The following AGAP1 variants were observed in gnomAD, a reference collection of about 807,000 sequenced individuals.
AGAP1 encodes the protein ArfGAP with GTPase domain, ankyrin repeat and PH domain 1.
A neutral mutation model predicts 105.3 loss-of-function variants in AGAP1; 29 were observed. That is an observed-to-expected ratio of 0.28 (90% CI 0.21 to 0.38). The LOEUF is 0.38. Among genes scored for constraint, AGAP1 ranks in the 10% least tolerant of loss-of-function variants. The probability of loss-of-function intolerance (pLI) is 1.00; values close to 1 mark genes in which losing one functional copy is unlikely to be tolerated. For missense variants in AGAP1, 998 were observed against 1,165.1 expected, an observed-to-expected ratio of 0.86 and a Z score of 2.09; for synonymous variants, 509 against 485.9, an observed-to-expected ratio of 1.05 and a Z score of -0.63.
At position 236,089,845 on chromosome 2, in the gene AGAP1, A is replaced by G. The variant is rs543006281; in HGVS notation, c.2115-30347A>G. ...TGTAACGCCCTATAAATTTATTAGC[A>G]TGCCTCATTTCTCATTGGTGGACTT... On this transcript the variant is annotated intron_variant, in intron 16 of 17. Coordinates refer to ENST00000304032, the MANE Select transcript of AGAP1 (RefSeq NM_001037131.3). The surrounding 1 kb of genome is among the most constrained non-coding windows in gnomAD (Gnocchi z 5.6). 1.1e-4 allele frequency among the ~76,000 whole-genome samples: 16 copies of G among 152,242 alleles called. No homozygotes were observed. The highest frequency in any genetic ancestry group is 2.2e-4 in the Non-Finnish European group (15 of 68,024).
At chr2:235,540,593 G>A (rs1258958224) in intron 1 of AGAP1, among the ~76,000 whole-genome samples, 1 of 152,234 alleles carries the variant, frequency 6.6e-6, no homozygotes, top group Non-Finnish European at 1.5e-5. Flanking sequence ...CTCCCTGGGT[G>A]CTTTCTCTTT....
intron 13 of AGAP1, among the ~76,000 whole-genome samples, chr2:236,008,988 C>T (rs902529971): frequency 6.6e-6 from 1 of 152,190 alleles, no homozygotes; most frequent in African/African-American, 2.4e-5. Flanking sequence ...TTACTGAACA[C>T]GTGTCCTATA....
At position 235,599,503 on chromosome 2, in the gene AGAP1, C is replaced by G. The variant is rs1297535595; in HGVS notation, c.163+104654C>G. 6.6e-6 allele frequency among the ~76,000 whole-genome samples: 1 copy of G among 152,196 alleles called. No homozygotes were observed. Among genetic ancestry groups the G allele is most frequent in the African/African-American group, 2.4e-5 (1 of 41,452 alleles). The stretch of plus-strand genomic sequence containing the variant: ...GAAATGACTGCAAAGCTATCTTACT[C>G]TTTATTCCATAGCCACAAAAATAAG... On this transcript the variant is annotated intron_variant, in intron 1 of 17. Transcript: ENST00000304032. This position sits in a 1 kb window ranked among gnomAD's most constrained non-coding sequence, Gnocchi z 5.3.
chr2:236,022,054 C>CAA (rs55810820), intron 13 of AGAP1, among the ~76,000 whole-genome samples: 75 of 89,140 alleles, frequency 8.4e-4, no homozygotes, highest in Admixed American at 2.2e-3. Flanking sequence ...GACCCTGTCT[C>CAA]AAAAAAAAAA....
rs1171091479 is a variant in AGAP1, at chr2:236,109,842, T to TG, written c.2115-10344dup. On this transcript the variant is annotated intron_variant, in intron 16 of 17. Transcript: ENST00000304032. The surrounding 1 kb of genome is among the most constrained non-coding windows in gnomAD (Gnocchi z 5.4). ...CACGGGCAGCTTACAGCTGCCCCAT[T>TG]GGGGGGCACACCTCTAGATTCTTCC... Among the ~76,000 whole-genome samples the TG allele has an allele frequency of 1.3e-5, 2 of 152,348 alleles. No homozygotes were observed. The highest frequency in any genetic ancestry group is 2.1e-4 in the South Asian group (1 of 4,834).
In AGAP1 at chr2:236,038,382, G is replaced by A. The variant is rs921544647; in HGVS notation, c.1800+1667G>A. Among the ~76,000 whole-genome samples the A allele has an allele frequency of 6.6e-5, 10 of 152,130 alleles. No homozygotes were observed. The highest frequency in any genetic ancestry group is 1.3e-4 in the Non-Finnish European group (9 of 68,030). ...GCAGACTCTGAGCCCCTGCCACCTCGACCTAATTCAGGAAGATCTGGGATG... is the reference window on the plus strand; with the variant it reads ...GCAGACTCTGAGCCCCTGCCACCTCAACCTAATTCAGGAAGATCTGGGATG... On this transcript the variant is annotated intron_variant, in intron 14 of 17. Transcript: ENST00000304032. This position sits in a 1 kb window ranked among gnomAD's most constrained non-coding sequence, Gnocchi z 4.5.
rs114360273 is a variant in AGAP1 at position 236,115,589 on chromosome 2, A to G, written c.2115-4603A>G. On this transcript the variant is annotated intron_variant, in intron 16 of 17. Coordinates refer to ENST00000304032, the MANE Select transcript of AGAP1 (RefSeq NM_001037131.3). ...CTTCAAGTCACAGCAGGTGGCTGAC[A>G]TGCATTAGTTTGCTGAAGTAGCACC... Among the ~76,000 whole-genome samples the G allele has an allele frequency of 7.6e-3, 1,156 of 152,284 alleles. 15 individuals carry two copies. The highest frequency in any genetic ancestry group is 0.027 in the African/African-American group (1,103 of 41,556).
At chr2:235,742,042 C>T (rs934494984) in intron 4 of AGAP1, among the ~76,000 whole-genome samples, 14 of 152,134 alleles carry the variant, frequency 9.2e-5, no homozygotes, top group African/African-American at 2.4e-4. Flanking sequence ...CGTGAGCCAC[C>T]GCGCCCGACC....
At chr2:236,033,319 C>T (rs944657379) in intron 13 of AGAP1, among the ~76,000 whole-genome samples, 8 of 152,146 alleles carry the variant, frequency 5.3e-5, no homozygotes, top group Non-Finnish European at 8.8e-5. Context: ...GAAATTAGCT[C>T]GAAATGGGTT....
rs905831418 is a variant in AGAP1, at chr2:235,761,834, G to A, written c.673+11346G>A. Among the ~76,000 whole-genome samples, 5 of 151,976 alleles carry A rather than the reference G, an allele frequency of 3.3e-5. No homozygotes were observed. The East Asian group carries it at 5.8e-4, about 18-fold the overall frequency. ...TAGGGAATATGGACATAGGCCGGGC[G>A]CACAGTGGCTCATGCCTGTAATCCC... On this transcript the variant is annotated intron_variant, in intron 6 of 17. Coordinates refer to ENST00000304032, the MANE Select transcript of AGAP1 (RefSeq NM_001037131.3).
intron 11 of AGAP1, among the ~76,000 whole-genome samples, chr2:235,929,989 C>T (rs1027957488): frequency 8.5e-5 from 13 of 152,176 alleles, no homozygotes; most frequent in Non-Finnish European, 1.5e-4. Flanking sequence ...ATAGACCTAA[C>T]AGACTAATTC....
At position 236,089,035 on chromosome 2, in the gene AGAP1, A is replaced by C. The variant is rs946361065; in HGVS notation, c.2115-31157A>C. On this transcript the variant is annotated intron_variant, in intron 16 of 17. Coordinates refer to ENST00000304032, the MANE Select transcript of AGAP1 (RefSeq NM_001037131.3). The surrounding 1 kb of genome is among the most constrained non-coding windows in gnomAD (Gnocchi z 5.6). ...TATGTTTCAAAGTACAGAAGGTAGA[A>C]GGTACATCACCACCGTCCATCACGT... 2.0e-5 allele frequency among the ~76,000 whole-genome samples: 3 copies of C among 152,234 alleles called. No individual in the cohort carries two copies. Among genetic ancestry groups the C allele is most frequent in the Non-Finnish European group, 2.9e-5 (2 of 68,038 alleles).
intron 16 of AGAP1, among the ~76,000 whole-genome samples, chr2:236,081,673 T>G (rs1180804001): frequency 6.6e-6 from 1 of 152,008 alleles, no homozygotes; most frequent in Non-Finnish European, 1.5e-5. Flanking sequence ...TGTGGGTTTT[T>G]TTTTTTTTTT....
At chr2:235,703,969 G>A (rs1287692309) in intron 1 of AGAP1, among the ~76,000 whole-genome samples, 6 of 152,104 alleles carry the variant, frequency 3.9e-5, no homozygotes, top group Non-Finnish European at 7.4e-5. Context: ...GCCACCTCGC[G>A]CCCGACCAGA....
intron 11 of AGAP1, among the ~76,000 whole-genome samples, chr2:235,914,226 A>G (rs750821678): frequency 7.2e-5 from 11 of 152,224 alleles, no homozygotes; most frequent in Admixed American, 4.6e-4. Flanking sequence ...TTCAAATACT[A>G]TAATGCCTAA....
At chr2:235,645,619 G>T (rs191140643) in intron 1 of AGAP1, among the ~76,000 whole-genome samples, 1 of 152,172 alleles carries the variant, frequency 6.6e-6, no homozygotes, top group Non-Finnish European at 1.5e-5. Context: ...CCCAGGCCTG[G>T]CAGGGGCACA....
intron 6 of AGAP1, 38 bp from the exon 7 acceptor site, chr2:235,797,717 AATTG>A: frequency 6.2e-7 from 1 of 1,613,378 alleles, no homozygotes; most frequent in Non-Finnish European, 8.5e-7. Flanking sequence ...TGAATTTGGA[AATTG>A]ATTGACATGG....
In AGAP1 at chr2:235,596,011, A is replaced by T. The variant is rs910775086; in HGVS notation, c.163+101162A>T. ...GGGGCCGGCAGATGTTTCTGATGTT[A>T]TGAAGCTATGCTCCTGGAAGTGGTT... On this transcript the variant is annotated intron_variant, in intron 1 of 17. Transcript: ENST00000304032. This position sits in a 1 kb window ranked among gnomAD's most constrained non-coding sequence, Gnocchi z 5.9. 6.6e-6 allele frequency among the ~76,000 whole-genome samples: 1 copy of T among 152,212 alleles called. No homozygotes were observed. The highest frequency in any genetic ancestry group is 2.4e-5 in the African/African-American group (1 of 41,460).
At chr2:235,955,908 C>G (rs2053927653) in intron 12 of AGAP1, among the ~76,000 whole-genome samples, 1 of 152,178 alleles carries the variant, frequency 6.6e-6, no homozygotes, top group Admixed American at 6.5e-5. Context: ...GCCCACCTTC[C>G]CCACTCAGAT....
Sources: gnomAD v4.1 joint callset for allele counts (sites outside exome capture counted in the v4.1 genomes callset) on GRCh38, gnomAD v4.1.1 for gene constraint, Gnocchi (gnomAD v3.1) non-coding constraint, MANE v1.5 for transcripts, NCBI Gene and HGNC (gene_info 2026-07-23, HGNC 2026-07-21) for gene names.